The following FRMD4B variants were observed in gnomAD, a reference collection of about 807,000 sequenced individuals.
FRMD4B encodes FERM domain-containing protein 4B.
FRMD4B carries 74 observed loss-of-function variants against 141.5 expected under a neutral mutation model. That is an observed-to-expected ratio of 0.52 (90% CI 0.43 to 0.63). The LOEUF is 0.63. Ranked by LOEUF, FRMD4B falls within the 30% of genes least tolerant of loss-of-function variation. The probability of loss-of-function intolerance (pLI) is 0.00; values close to 1 mark genes in which losing one functional copy is unlikely to be tolerated. For missense variants in FRMD4B, 1,366 were observed against 1,253.4 expected, an observed-to-expected ratio of 1.09 and a Z score of -1.36; for synonymous variants, 506 against 467.9, an observed-to-expected ratio of 1.08 and a Z score of -1.05.
intron 2 of FRMD4B, among the ~76,000 whole-genome samples, chr3:69,395,128 C>A (rs1441780389): frequency 6.6e-6 from 1 of 151,800 alleles, no homozygotes; most frequent in Non-Finnish European, 1.5e-5. Flanking sequence ...CACATGTATA[C>A]CTATGTTAAC....
chr3:69,207,748 C>T (rs2093037640), intron 11 of FRMD4B, among the ~76,000 whole-genome samples: 1 of 151,500 alleles, frequency 6.6e-6, no homozygotes, highest in African/African-American at 2.4e-5. Flanking sequence ...GCAGAGGTTG[C>T]TGTGAGCCAA....
chr3:69,406,292 C>T (rs1235496958), intron 2 of FRMD4B, among the ~76,000 whole-genome samples: 1 of 152,190 alleles, frequency 6.6e-6, no homozygotes, highest in Non-Finnish European at 1.5e-5. Context: ...CTTGGAAAAC[C>T]TCATGCTGGA....
intron 2 of FRMD4B, among the ~76,000 whole-genome samples, chr3:69,401,578 C>T (rs1005423526): frequency 6.6e-6 from 1 of 152,126 alleles, no homozygotes; most frequent in Non-Finnish European, 1.5e-5. Context: ...GAGTCAGGGT[C>T]TCACTCTGCC....
At chr3:69,406,855 C>T (rs1704658026) in intron 2 of FRMD4B, among the ~76,000 whole-genome samples, 1 of 151,954 alleles carries the variant, frequency 6.6e-6, no homozygotes, top group Non-Finnish European at 1.5e-5. Context: ...CCTCAGCCTC[C>T]TAAGTAGCTG....
chr3:69,177,880 C>G (rs1305137267), intron 21 of FRMD4B, among the ~76,000 whole-genome samples: 1 of 151,984 alleles, frequency 6.6e-6, no homozygotes, highest in East Asian at 1.9e-4. Context: ...CTAGCAAGAT[C>G]AAGGCTATTT....
chr3:69,332,083 T>A (rs1029728524), intron 1 of FRMD4B, among the ~76,000 whole-genome samples: 1 of 151,884 alleles, frequency 6.6e-6, no homozygotes, highest in Non-Finnish European at 1.5e-5. Context: ...CAAGACTCCA[T>A]CTCAGAAAAA....
intron 1 of FRMD4B, among the ~76,000 whole-genome samples, chr3:69,497,248 A>G (rs1351569520): frequency 2.0e-5 from 3 of 152,198 alleles, no homozygotes; most frequent in African/African-American, 7.2e-5. Context: ...CAAGATATAA[A>G]TTTATTTTGT....
chr3:69,518,818 C>G (rs1575598402), intron 1 of FRMD4B, among the ~76,000 whole-genome samples: 1 of 152,170 alleles, frequency 6.6e-6, no homozygotes, highest in Non-Finnish European at 1.5e-5. Context: ...CAAGACCAGC[C>G]CCCTGCAGAT....
Position 69,356,195 on chromosome 3 carries a change from G to A in FRMD4B, c.162+29633C>T, listed in dbSNP as rs1188080728. 2.0e-5 allele frequency among the ~76,000 whole-genome samples: 3 copies of A among 152,164 alleles called. No homozygotes were observed. In the East Asian group the frequency reaches 5.8e-4, roughly 29 times the overall value. ...ACCCCCATGTGATGGTTAATACTTA[G>A]TGTCAACTTGATTGGATTGAAGGAT... On this transcript the variant is annotated intron_variant, in intron 1 of 22. Transcript: ENST00000398540.
At chr3:69,366,985 G>A (rs755027626) in intron 1 of FRMD4B, among the ~76,000 whole-genome samples, 2 of 151,870 alleles carry the variant, frequency 1.3e-5, no homozygotes, top group Non-Finnish European at 2.9e-5. Context: ...CAGGCTGGTC[G>A]TGAACTCCTG....
chr3:69,212,680 A>G (rs2093098426), intron 11 of FRMD4B, among the ~76,000 whole-genome samples: 1 of 152,212 alleles, frequency 6.6e-6, no homozygotes, highest in Non-Finnish European at 1.5e-5. Context: ...CTGATTCACT[A>G]CTGTTTTGGG....
chr3:69,527,639 G>C (rs548314705), intron 1 of FRMD4B, among the ~76,000 whole-genome samples: 6 of 152,246 alleles, frequency 3.9e-5, no homozygotes, highest in African/African-American at 1.4e-4. Flanking sequence ...TATTGCAGGA[G>C]CATAATCTTT....
rs1197483587 is a variant in FRMD4B, at chr3:69,301,900, AGGCATC to A, written c.416+437_416+442del. Among the ~76,000 whole-genome samples, 3 of 152,360 alleles carry A rather than the reference AGGCATC, an allele frequency of 2.0e-5. No homozygotes were observed. In the East Asian group the frequency reaches 5.8e-4, roughly 29 times the overall value. On this transcript the variant is annotated intron_variant, in intron 4 of 22. Coordinates refer to ENST00000398540, the MANE Select transcript of FRMD4B (RefSeq NM_015123.3). ...TGCATTTTATCCTCTATTCAAATTA[AGGCATC>A]AAATTGTACAGAATTCAATTATTTT...
At chr3:69,316,500 TAA>T (rs200299553) in intron 1 of FRMD4B, among the ~76,000 whole-genome samples, 9 of 127,784 alleles carry the variant, frequency 7.0e-5, no homozygotes, top group East Asian at 2.0e-4. Context: ...AATGTCTAAC[TAA>T]AAAAAAAAAA....
chr3:69,449,244 T>A (rs909132079), intron 1 of FRMD4B, among the ~76,000 whole-genome samples: 2 of 152,208 alleles, frequency 1.3e-5, no homozygotes, highest in African/African-American at 4.8e-5. Context: ...TTAGACTAGA[T>A]AACCAAATAG....
In FRMD4B at chr3:69,513,380, G is replaced by A. The variant is rs192238368; in HGVS notation, c.-129+28826C>T. On this transcript the variant is annotated intron_variant, in intron 1 of 5. Coordinates refer to the FRMD4B transcript ENST00000459638. ...AGAAATACAAAATCTGAACAGACCC[G>A]TAACTAATAAGCAGATTCAATCAGT... 2.0e-3 allele frequency among the ~76,000 whole-genome samples: 306 copies of A among 152,118 alleles called. 1 individual carries two copies. The highest frequency in any genetic ancestry group is 6.9e-3 in the African/African-American group (285 of 41,518).
intron 1 of FRMD4B, among the ~76,000 whole-genome samples, chr3:69,352,196 C>T (rs1302065063): frequency 1.3e-5 from 2 of 152,258 alleles, no homozygotes; most frequent in Non-Finnish European, 2.9e-5. Context: ...GTTCTATGGC[C>T]TGAATCTTCA....
intron 1 of FRMD4B, among the ~76,000 whole-genome samples, chr3:69,483,549 T>C (rs150803863): frequency 1.0e-3 from 153 of 152,292 alleles, no homozygotes; most frequent in African/African-American, 3.5e-3. Flanking sequence ...CCTCACCTCA[T>C]ATTAATGATG....
At chr3:69,325,152 T>A (rs1221819967) in intron 1 of FRMD4B, among the ~76,000 whole-genome samples, 2 of 145,328 alleles carry the variant, frequency 1.4e-5, no homozygotes, top group East Asian at 4.0e-4. Context: ...TGGAGAGAAC[T>A]TATATTGGAC....
Sources: allele counts gnomAD v4.1 joint callset (sites outside exome capture counted in the v4.1 genomes callset), GRCh38; gene constraint gnomAD v4.1.1; transcripts MANE v1.5; gene names NCBI Gene and HGNC (gene_info 2026-07-23, HGNC 2026-07-21).